The following PTPDC1 variants were observed in gnomAD, a reference collection of about 807,000 sequenced individuals.
PTPDC1 encodes the protein protein tyrosine phosphatase domain-containing protein 1.
Under a neutral mutation model 75.3 loss-of-function variants are expected in PTPDC1, and 53 were observed. The ratio of observed to expected loss-of-function variants is 0.70; its 90% CI spans 0.56 to 0.88. The LOEUF is 0.88. Ranked by LOEUF, PTPDC1 falls within the 40% of genes least tolerant of loss-of-function variation. PTPDC1 has a pLI of 0.00. For missense variants in PTPDC1, 925 were observed against 998.6 expected (o/e 0.93, Z 0.99); for synonymous variants, 349 against 366.2 (o/e 0.95, Z 0.54).
intron 5 of PTPDC1, 95 bp from the exon 6 acceptor site, chr9:94,097,226 C>A: frequency 2.5e-6 from 2 of 812,902 alleles, no homozygotes; most frequent in Non-Finnish European, 3.9e-6. Context: ...GGTTTCTTAA[C>A]ACATATTCAA....
intron 1 of PTPDC1, among the ~76,000 whole-genome samples, chr9:94,063,319 T>TA (rs1478292464): frequency 2.0e-5 from 3 of 152,230 alleles, no homozygotes; most frequent in Admixed American, 6.5e-5. Flanking sequence ...TAAAATATGG[T>TA]AAAAAATGTT....
chr9:94,085,578 C>G (rs1342328244), intron 2 of PTPDC1, among the ~76,000 whole-genome samples, 156 bp downstream of exon 2: 1 of 152,174 alleles, frequency 6.6e-6, no homozygotes, highest in Non-Finnish European at 1.5e-5. Context: ...GCTGTGTGAT[C>G]TTGGCCTATT....
chr9:94,098,373 C>T lies in PTPDC1; in HGVS notation c.1807C>T (p.Leu603=), dbSNP rs142546153. 315 of 1,614,222 alleles carry T rather than the reference C, an allele frequency of 2.0e-4. No individual in the cohort carries two copies. The highest frequency in any genetic ancestry group is 2.5e-4 in the Non-Finnish European group (299 of 1,180,024). The change falls in exon 6 of 9, where the codon CTG becomes TTG. Residue 603 remains leucine (L), a synonymous_variant. Transcript: ENST00000620992. ...GAACAGCAGGACACCCCGAAGCCCTCTGGACTGTGGCTCCAGTCCCAAAGC... is the reference window on the plus strand; with the variant it reads ...GAACAGCAGGACACCCCGAAGCCCTTTGGACTGTGGCTCCAGTCCCAAAGC... ...RQNSRTPRSP[L]DCGSSPKAQF...
At chr9:94,047,515 AG>A (rs1037301933) in intron 1 of PTPDC1, among the ~76,000 whole-genome samples, 2 of 152,222 alleles carry the variant, frequency 1.3e-5, no homozygotes, top group Non-Finnish European at 2.9e-5. Context: ...GAACTGGAAA[AG>A]CAAGAGCTAA....
chr9:94,059,001 A>G (rs976936799), intron 1 of PTPDC1, among the ~76,000 whole-genome samples: 6 of 152,316 alleles, frequency 3.9e-5, no homozygotes, highest in Middle Eastern at 3.4e-3. Context: ...ACAAACAAAC[A>G]AAAAACCCAG....
chr9:94,103,552 G>A (rs1827917599), intron 7 of PTPDC1, among the ~76,000 whole-genome samples: 1 of 152,060 alleles, frequency 6.6e-6, no homozygotes, highest in Non-Finnish European at 1.5e-5. Flanking sequence ...ACTTTCATAG[G>A]CGTCATTGTA....
At chr9:94,081,540 A>T (rs1021802742), upstream of PTPDC1, among the ~76,000 whole-genome samples, 2 of 152,198 alleles carry the variant, frequency 1.3e-5, no homozygotes, top group African/African-American at 4.8e-5. Context: ...AAAAAAAATT[A>T]AAAATTAAAA....
At chr9:94,044,443 T>A (rs928938656) in intron 1 of PTPDC1, among the ~76,000 whole-genome samples, 2 of 152,222 alleles carry the variant, frequency 1.3e-5, no homozygotes, top group Admixed American at 1.3e-4. Flanking sequence ...TTCTTCCTGA[T>A]GCTCTTCCTC....
chr9:94,095,866 G>A (rs886132567), intron 5 of PTPDC1, among the ~76,000 whole-genome samples: 4 of 152,056 alleles, frequency 2.6e-5, no homozygotes, highest in Non-Finnish European at 4.4e-5. Flanking sequence ...TACAATGACC[G>A]TATATATATC....
At chr9:94,090,517 G>A in intron 4 of PTPDC1, among the ~76,000 whole-genome samples, 1 of 118,306 alleles carries the variant, frequency 8.5e-6, no homozygotes, top group African/African-American at 3.5e-5. Flanking sequence ...GTAGTGTGAT[G>A]CCTCCAGCTT....
intron 1 of PTPDC1, among the ~76,000 whole-genome samples, chr9:94,056,051 G>A (rs1825923665): frequency 6.6e-6 from 1 of 151,988 alleles, no homozygotes; most frequent in African/African-American, 2.4e-5. Flanking sequence ...TGGGTATATG[G>A]GAAGCCTCTA....
chr9:94,077,005 A>G (rs1229412368), intron 2 of PTPDC1, among the ~76,000 whole-genome samples: 4 of 152,150 alleles, frequency 2.6e-5, no homozygotes, highest in African/African-American at 9.7e-5. Flanking sequence ...CACTCAAATT[A>G]TTTGCCCTTT....
chr9:94,097,408 C>T lies in PTPDC1; in HGVS notation c.842C>T (p.Ser281Phe), dbSNP rs201897615. Residue 281 changes from serine (S) to phenylalanine (F), a missense_variant, in exon 6 of 9, where the codon TCC becomes TTC. Physicochemically the swap from Ser to Phe is radical, Grantham distance 155. Transcript: ENST00000620992. ...IIFVRAKRPNSIQTRGQLLCV... is the reference protein window; with the variant it reads ...IIFVRAKRPNFIQTRGQLLCV... Reference sequence around the variant, plus strand: ...TTTGTGCGGGCAAAGCGACCCAATTCCATACAAACCAGAGGACAGCTCCTC... The same window carrying T: ...TTTGTGCGGGCAAAGCGACCCAATTTCATACAAACCAGAGGACAGCTCCTC... 1.9e-6 allele frequency: 3 copies of T among 1,614,050 alleles called. No individual in the cohort carries two copies. The highest frequency in any genetic ancestry group is 1.7e-6 in the Non-Finnish European group (2 of 1,180,012).
intron 1 of PTPDC1, among the ~76,000 whole-genome samples, chr9:94,045,414 G>T (rs1270326454): frequency 6.6e-6 from 1 of 152,068 alleles, no homozygotes; most frequent in Non-Finnish European, 1.5e-5. Flanking sequence ...CAGAGGAATC[G>T]CCACACTGAC....
At chr9:94,084,894 T>C (rs1827016295) in intron 1 of PTPDC1, 120 bp downstream of exon 1, 1 of 698,440 alleles carries the variant, frequency 1.4e-6, no homozygotes. Context: ...TACTTTTTGC[T>C]GTCTGTTATG....
At chr9:94,075,567 C>A (rs1322418235) in intron 2 of PTPDC1, among the ~76,000 whole-genome samples, 1 of 152,138 alleles carries the variant, frequency 6.6e-6, no homozygotes, top group Admixed American at 6.5e-5. Context: ...TCTGCAGCAC[C>A]CTATTGGGGA....
At chr9:94,094,379 T>G (rs1827452241) in intron 4 of PTPDC1, among the ~76,000 whole-genome samples, 1 of 151,136 alleles carries the variant, frequency 6.6e-6, no homozygotes, top group African/African-American at 2.4e-5. Context: ...GCCTCCCAGT[T>G]AGGCTGTTCT....
intron 1 of PTPDC1, among the ~76,000 whole-genome samples, chr9:94,063,674 T>G (rs1375393362): frequency 2.0e-5 from 3 of 152,210 alleles, no homozygotes; most frequent in Non-Finnish European, 4.4e-5. Flanking sequence ...AAAATTTTAG[T>G]GAACTTGAAA....
chr9:94,051,983 G>A (rs1825805255), intron 1 of PTPDC1, among the ~76,000 whole-genome samples: 1 of 152,040 alleles, frequency 6.6e-6, no homozygotes, highest in African/African-American at 2.4e-5. Context: ...TCTAAAATAT[G>A]CTTTTACTGC....
Sources: gnomAD v4.1 joint callset for allele counts (sites outside exome capture counted in the v4.1 genomes callset) on GRCh38, gnomAD v4.1.1 for gene constraint, MANE v1.5 for transcripts, NCBI Gene and HGNC (gene_info 2026-07-23, HGNC 2026-07-21) for gene names.